The following CACNA1I variants were observed in gnomAD, a reference collection of about 807,000 sequenced individuals.
CACNA1I encodes voltage-dependent T-type calcium channel subunit alpha-1I.
In CACNA1I, 74 loss-of-function variants were observed where a neutral mutation model predicts 201.6. The observed-to-expected ratio is 0.37, with a 90% CI of 0.30 to 0.45. The LOEUF (loss-of-function observed/expected upper bound fraction) is 0.45, where lower values mean the gene tolerates loss of function less well. Ranked by LOEUF, CACNA1I falls within the 20% of genes least tolerant of loss-of-function variation. CACNA1I has a pLI of 1.00. For synonymous variants in CACNA1I, 1,431 were observed against 1,345.2 expected (o/e 1.06, Z -1.40); for missense variants, 2,346 against 3,138.1 (o/e 0.75, Z 6.03).
chr22:39,662,738 C>A, intron 17 of CACNA1I, 38 bp from the exon 18 acceptor site: 2 of 1,417,392 alleles, frequency 1.4e-6, no homozygotes, highest in Non-Finnish European at 1.9e-6. Flanking sequence ...CAACCCTGCG[C>A]ATCGCTGACC....
intron 3 of CACNA1I, among the ~76,000 whole-genome samples, chr22:39,604,478 A>T (rs1475533348): frequency 1.3e-5 from 2 of 152,164 alleles, no homozygotes; most frequent in Non-Finnish European, 2.9e-5. Context: ...CTCTGCTGTC[A>T]CTATTTTGAA....
rs1329398496 is a variant in CACNA1I at position 39,662,204 on chromosome 22, G to A, written c.3141G>A (p.Ala1047=). The change falls in exon 17 of 37, where the codon GCG becomes GCA. Residue 1047 remains alanine (A), a synonymous_variant. Coordinates refer to ENST00000402142, the MANE Select transcript of CACNA1I (RefSeq NM_021096.4). ...AHHIHHGPHL[A]HRHRHHRRTL... The stretch of plus-strand genomic sequence containing the variant: ...ACATTCATCACGGGCCCCATCTGGC[G>A]CACCGCCACCGCCACCACCGCCGGA... The A allele has an allele frequency of 5.2e-6, 8 of 1,528,380 alleles. No individual in the cohort carries two copies. Among genetic ancestry groups the A allele is most frequent in the Non-Finnish European group, 7.0e-6 (8 of 1,141,510 alleles). The allele number at this position is 1,528,380 out of a possible 1,614,324, so 94.7% of individuals were successfully genotyped here. A position where few individuals can be genotyped will look rare whatever the true frequency, so the allele number is the denominator to read the frequency against.
rs371898117 is a variant in CACNA1I, at chr22:39,570,800, C to T, written c.48C>T (p.Ala16=). 9 of 1,612,968 alleles carry T rather than the reference C, an allele frequency of 5.6e-6. No homozygotes were observed. The highest frequency in any genetic ancestry group is 4.5e-5 in the East Asian group (2 of 44,870). ...CCTCCTCATCTGCAGCAGCCCCAGC[C>T]GCTGAGCCAGGAGTCACCACGGAGC... ...SPPSSSAAAP[A]AEPGVTTEQP... The change falls in exon 1 of 37, where the codon GCC becomes GCT. Residue 16 remains alanine, a synonymous_variant. Coordinates refer to ENST00000402142, the MANE Select transcript of CACNA1I (RefSeq NM_021096.4).
At chr22:39,619,534 C>A in intron 4 of CACNA1I, 127 bp downstream of exon 4, 1 of 682,316 alleles carries the variant, frequency 1.5e-6, no homozygotes, top group East Asian at 2.6e-5. Flanking sequence ...CTGATTAGGG[C>A]CCGGGTGTGC....
chr22:39,656,527 C>T, intron 10 of CACNA1I: 1 of 511,172 alleles, frequency 2.0e-6, no homozygotes, highest in Non-Finnish European at 3.9e-6. Flanking sequence ...GGGCTTTGGC[C>T]CCAGAGCACG....
chr22:39,575,717 C>G (rs192359781), intron 1 of CACNA1I, among the ~76,000 whole-genome samples: 1 of 152,196 alleles, frequency 6.6e-6, no homozygotes, highest in East Asian at 1.9e-4. Context: ...AGCCATCAGC[C>G]TGAAACCTAT....
chr22:39,615,945 G>A (rs1933521631), intron 3 of CACNA1I, among the ~76,000 whole-genome samples: 1 of 152,152 alleles, frequency 6.6e-6, no homozygotes, highest in Non-Finnish European at 1.5e-5. Flanking sequence ...TTGCCAGGAA[G>A]CTCAGAGCTA....
intron 7 of CACNA1I, among the ~76,000 whole-genome samples, chr22:39,645,250 G>C (rs1280721808): frequency 6.6e-6 from 1 of 152,228 alleles, no homozygotes; most frequent in African/African-American, 2.4e-5. Flanking sequence ...GCCTCCCAAA[G>C]TGCTGGGATT....
At chr22:39,639,522 A>G (rs1934301760) in intron 5 of CACNA1I, among the ~76,000 whole-genome samples, 1 of 152,182 alleles carries the variant, frequency 6.6e-6, no homozygotes, top group African/African-American at 2.4e-5. Flanking sequence ...TTTTAGTTTT[A>G]TAATATATCT....
At chr22:39,592,140 A>AT (rs1303077877) in intron 1 of CACNA1I, among the ~76,000 whole-genome samples, 1 of 152,006 alleles carries the variant, frequency 6.6e-6, no homozygotes, top group African/African-American at 2.4e-5. Flanking sequence ...ACCCTGAGTG[A>AT]TTTTCTCCCC....
chr22:39,680,246 A>C (rs929210367), intron 33 of CACNA1I, among the ~76,000 whole-genome samples: 2 of 151,982 alleles, frequency 1.3e-5, no homozygotes, highest in African/African-American at 4.8e-5. Flanking sequence ...CTGGCACTCA[A>C]CCTCCTCCAG....
chr22:39,649,374 C>T lies in CACNA1I; in HGVS notation c.1568-127C>T. 1 of 996,240 alleles carries T rather than the reference C, an allele frequency of 1.0e-6. No individual in the cohort carries two copies. The highest frequency in any genetic ancestry group is 1.4e-6 in the Non-Finnish European group (1 of 704,102). 61.7% of individuals were successfully genotyped at this position (996,240 alleles called of 1,614,324 possible). On this transcript the variant is annotated intron_variant, in intron 9 of 36. Coordinates refer to ENST00000402142, the MANE Select transcript of CACNA1I (RefSeq NM_021096.4). This position sits in a 1 kb window ranked among gnomAD's most constrained non-coding sequence, Gnocchi z 7.3. The stretch of plus-strand genomic sequence containing the variant: ...CCCCAGGCACCCCTGACCGCCTTTC[C>T]AGGCTGGGTCGGCTGGTTCCAGGCA...
intron 1 of CACNA1I, among the ~76,000 whole-genome samples, chr22:39,575,687 C>T (rs919970042): frequency 2.0e-5 from 3 of 152,128 alleles, no homozygotes; most frequent in Non-Finnish European, 2.9e-5. Flanking sequence ...TCCAGCAGGG[C>T]ACCTCTGGCA....
chr22:39,640,731 C>G, intron 5 of CACNA1I, 136 bp from the exon 6 acceptor site: 1 of 711,496 alleles, frequency 1.4e-6, no homozygotes. Flanking sequence ...GTGACCAAGG[C>G]AGGGGAACAG....
intron 1 of CACNA1I, among the ~76,000 whole-genome samples, chr22:39,584,723 C>T (rs1932684123): frequency 6.6e-6 from 1 of 152,206 alleles, no homozygotes. Flanking sequence ...GCACAAGTTG[C>T]ATATTTGTTT....
At chr22:39,664,978 C>T (rs1696010777) in intron 21 of CACNA1I, 55 bp downstream of exon 21, 10 of 1,551,008 alleles carry the variant, frequency 6.4e-6, no homozygotes, top group East Asian at 2.3e-5. Context: ...TACCGAGAAG[C>T]CACGGGTCGA....
At chr22:39,675,987 A>G (rs1374925860) in intron 29 of CACNA1I, among the ~76,000 whole-genome samples, 1 of 152,186 alleles carries the variant, frequency 6.6e-6, no homozygotes, top group Non-Finnish European at 1.5e-5. Context: ...AGGGTTCTAG[A>G]CAAGGAAGGC....
In CACNA1I at chr22:39,665,686, A is replaced by C; in HGVS notation, c.3978+62A>C. 3.8e-6 allele frequency: 6 copies of C among 1,590,322 alleles called. No individual in the cohort carries two copies. Among genetic ancestry groups the C allele is most frequent in the Non-Finnish European group, 5.2e-6 (6 of 1,163,478 alleles). ...GTGACTGGGGAAAAGGAAGTCTCAG[A>C]CAGCCAGGGGAGAGACTCCACATTC... On this transcript the variant is annotated intron_variant, in intron 22 of 36. Transcript: ENST00000402142. This position sits in a 1 kb window ranked among gnomAD's most constrained non-coding sequence, Gnocchi z 5.5.
At chr22:39,610,152 A>G (rs1421484345) in intron 3 of CACNA1I, among the ~76,000 whole-genome samples, 2 of 152,168 alleles carry the variant, frequency 1.3e-5, no homozygotes, top group Non-Finnish European at 1.5e-5. Flanking sequence ...CATTGACTTT[A>G]CACTCTGATC....
Sources: gnomAD v4.1 joint callset for allele counts (sites outside exome capture counted in the v4.1 genomes callset) on GRCh38, gnomAD v4.1.1 for gene constraint, Gnocchi (gnomAD v3.1) non-coding constraint, MANE v1.5 for transcripts, NCBI Gene and HGNC (gene_info 2026-07-23, HGNC 2026-07-21) for gene names.